CSTPP1: variants seen among roughly 807,000 people sequenced by gnomAD.
CSTPP1 encodes the protein UPF0705 protein C11orf49.
At chr11:47,033,612 C>T in the CSTPP1 span, among the ~76,000 whole-genome samples, 4 of 152,218 alleles carry the variant, frequency 2.6e-5, no homozygotes, top group Admixed American at 2.0e-4. Context: ...TTGATTGGCT[C>T]TGTCGTAAAT....
At chr11:46,967,855 T>C in the CSTPP1 span, among the ~76,000 whole-genome samples, 10 of 151,048 alleles carry the variant, frequency 6.6e-5, no homozygotes, top group Admixed American at 6.6e-4. Flanking sequence ...AGACAACATT[T>C]CAACAAATTT....
the CSTPP1 span, among the ~76,000 whole-genome samples, chr11:46,969,222 A>G: frequency 6.6e-6 from 1 of 152,174 alleles, no homozygotes; most frequent in African/African-American, 2.4e-5. Context: ...CTTATGTGTA[A>G]GGCAGAATAC....
At chr11:47,007,761 G>A in the CSTPP1 span, among the ~76,000 whole-genome samples, 3 of 151,928 alleles carry the variant, frequency 2.0e-5, no homozygotes, top group African/African-American at 2.4e-5. Context: ...ATCTTTCTTC[G>A]GAGGGGATTT....
the CSTPP1 span, among the ~76,000 whole-genome samples, chr11:46,962,089 A>G: frequency 0.015 from 2,316 of 152,284 alleles, 62 homozygotes; most frequent in African/African-American, 0.053. Context: ...CACTATCACA[A>G]GAACAGCATG....
the CSTPP1 span, among the ~76,000 whole-genome samples, chr11:46,951,647 A>G: frequency 4.5e-4 from 68 of 152,262 alleles, no homozygotes; most frequent in African/African-American, 1.5e-3. Context: ...TCATTATTTT[A>G]GACCTAATTT....
chr11:46,984,680 G>A, the CSTPP1 span, among the ~76,000 whole-genome samples: 1 of 151,222 alleles, frequency 6.6e-6, no homozygotes, highest in Non-Finnish European at 1.5e-5. Flanking sequence ...TGAGTCCCTG[G>A]AGCTAGGGAG....
the CSTPP1 span, among the ~76,000 whole-genome samples, chr11:47,032,576 A>G: frequency 3.9e-5 from 6 of 152,202 alleles, no homozygotes; most frequent in South Asian, 1.0e-3. Flanking sequence ...AATTTAAAAA[A>G]TTTTTTTAAC....
chr11:47,037,389 ATTATTTT>A, the CSTPP1 span, among the ~76,000 whole-genome samples: 2 of 80,176 alleles, frequency 2.5e-5, no homozygotes, highest in Admixed American at 1.2e-4. Flanking sequence ...TATTATTATT[ATTATTTT>A]TTTTTTTTAA....
the CSTPP1 span, among the ~76,000 whole-genome samples, chr11:47,121,726 C>G: frequency 6.6e-6 from 1 of 151,988 alleles, no homozygotes; most frequent in Non-Finnish European, 1.5e-5. Flanking sequence ...CCACACTGTT[C>G]CCAGGAGGAA....
chr11:47,112,381 G>C, the CSTPP1 span, among the ~76,000 whole-genome samples: 1 of 152,012 alleles, frequency 6.6e-6, no homozygotes, highest in South Asian at 2.1e-4. Flanking sequence ...GAGTCCAGTG[G>C]CACAATCTCA....
At chr11:46,986,412 C>T in the CSTPP1 span, among the ~76,000 whole-genome samples, 1 of 148,918 alleles carries the variant, frequency 6.7e-6, no homozygotes, top group Non-Finnish European at 1.5e-5. Flanking sequence ...GTCCTTAAAC[C>T]TTTCCAGTGA....
the CSTPP1 span, among the ~76,000 whole-genome samples, chr11:46,964,807 A>G: frequency 1.3e-5 from 2 of 152,192 alleles, no homozygotes; most frequent in Non-Finnish European, 2.9e-5. Flanking sequence ...CACTGAGACT[A>G]CGAGTATTGC....
chr11:47,063,913 A>G, the CSTPP1 span, among the ~76,000 whole-genome samples: 61 of 152,294 alleles, frequency 4.0e-4, 3 homozygotes, highest in African/African-American at 1.4e-3. Flanking sequence ...AGTTTTCTAC[A>G]GCAGGTGTAT....
At chr11:47,022,358 C>CTTTCCT in the CSTPP1 span, among the ~76,000 whole-genome samples, 1 of 48,754 alleles carries the variant, frequency 2.1e-5, no homozygotes, top group Non-Finnish European at 3.6e-5. Context: ...TTCATATGTC[C>CTTTCCT]TTTTTTTTTT....
the CSTPP1 span, among the ~76,000 whole-genome samples, chr11:47,016,295 G>A: frequency 6.6e-6 from 1 of 151,328 alleles, no homozygotes; most frequent in African/African-American, 2.4e-5. Flanking sequence ...TTGTCCTGGA[G>A]GTTCTAGCCA....
At chr11:47,009,551 C>T in the CSTPP1 span, among the ~76,000 whole-genome samples, 12 of 152,096 alleles carry the variant, frequency 7.9e-5, no homozygotes, top group African/African-American at 2.4e-4. Flanking sequence ...AATCCCAGCA[C>T]TTTGGGAGGC....
At chr11:46,965,835 T>G in the CSTPP1 span, among the ~76,000 whole-genome samples, 1 of 152,218 alleles carries the variant, frequency 6.6e-6, no homozygotes, top group South Asian at 2.1e-4. Context: ...TTGTGAAATC[T>G]AAAACTACAT....
chr11:46,936,711 C>T, the CSTPP1 span: 2 of 1,557,636 alleles, frequency 1.3e-6, no homozygotes, highest in Non-Finnish European at 1.7e-6. Context: ...TCCCGTCCCC[C>T]TTCCGCCGCG....
the CSTPP1 span, among the ~76,000 whole-genome samples, chr11:46,968,572 T>C: frequency 2.6e-5 from 4 of 151,638 alleles, no homozygotes; most frequent in Non-Finnish European, 5.9e-5. Flanking sequence ...TTTTTTTTAG[T>C]ATCTAATCTT....
Sources: allele counts gnomAD v4.1 joint callset (sites outside exome capture counted in the v4.1 genomes callset), GRCh38; gene constraint gnomAD v4.1.1; transcripts MANE v1.5; gene names NCBI Gene and HGNC (gene_info 2026-07-23, HGNC 2026-07-21).